Variants in PHACTR3 observed in about 807,000 individuals in gnomAD.
PHACTR3 encodes phosphatase and actin regulator 3.
A neutral mutation model predicts 66.8 loss-of-function variants in PHACTR3; 16 were observed. The observed-to-expected ratio is 0.24, with a 90% CI of 0.16 to 0.36. The LOEUF (loss-of-function observed/expected upper bound fraction) is 0.36, where lower values mean the gene tolerates loss of function less well. Among genes scored for constraint, PHACTR3 ranks in the 10% least tolerant of loss-of-function variants. PHACTR3 has a pLI of 1.00. For missense variants in PHACTR3, 647 were observed against 719.9 expected (o/e 0.90, Z 1.16); for synonymous variants, 323 against 292.1 (o/e 1.11, Z -1.08).
In PHACTR3 at chr20:59,673,337, G is replaced by A. The variant is rs144760169; in HGVS notation, c.118+68205G>A. On this transcript the variant is annotated intron_variant, in intron 1 of 12. Transcript: ENST00000371015. ...TAAGTTTTCAATAAGACCTGGTATT[G>A]GAAGCCCCCATCAAAGTGAGGAGCT... is the stretch of plus-strand genomic sequence containing the variant. 2.2e-3 allele frequency among the ~76,000 whole-genome samples: 328 copies of A among 152,298 alleles called. 1 individual carries two copies. Among genetic ancestry groups the A allele is most frequent in the African/African-American group, 7.2e-3 (301 of 41,548 alleles).
intron 1 of PHACTR3, among the ~76,000 whole-genome samples, chr20:59,707,440 TCTCTCTTGCTCCCA>T (rs2037748250): frequency 6.7e-6 from 1 of 149,256 alleles, no homozygotes; most frequent in South Asian, 2.1e-4. Flanking sequence ...TTCTTCTTTC[TCTCTCTTGCTCCCA>T]CTCTTTTTTT....
chr20:59,616,664 A>AC (rs2034036478), intron 1 of PHACTR3, among the ~76,000 whole-genome samples: 1 of 152,184 alleles, frequency 6.6e-6, no homozygotes, highest in African/African-American at 2.4e-5. Flanking sequence ...CGCTGAGCTG[A>AC]CCACCAGCCC....
intron 1 of PHACTR3, among the ~76,000 whole-genome samples, chr20:59,713,447 G>A (rs895631273): frequency 6.6e-6 from 1 of 152,146 alleles, no homozygotes; most frequent in Non-Finnish European, 1.5e-5. Flanking sequence ...GAGAACCACT[G>A]TCTTAATTTA....
chr20:59,671,777 A>T (rs2036203296), intron 1 of PHACTR3, among the ~76,000 whole-genome samples: 1 of 152,216 alleles, frequency 6.6e-6, no homozygotes, highest in Admixed American at 6.5e-5. Flanking sequence ...GGCTCTTGCC[A>T]GGCTGCGTGG....
chr20:59,825,741 AG>A (rs2042171689), intron 8 of PHACTR3, among the ~76,000 whole-genome samples: 1 of 152,150 alleles, frequency 6.6e-6, no homozygotes, highest in Non-Finnish European at 1.5e-5. Context: ...AGCAGAGGGA[AG>A]GGCCCAGGCA....
chr20:59,824,873 C>G (rs904767190), intron 8 of PHACTR3, among the ~76,000 whole-genome samples: 1 of 152,186 alleles, frequency 6.6e-6, no homozygotes, highest in Admixed American at 6.5e-5. Flanking sequence ...GGCACAGTGA[C>G]GTGCTGTTTG....
At chr20:59,724,870 C>T (rs2038502061) in intron 1 of PHACTR3, among the ~76,000 whole-genome samples, 1 of 152,216 alleles carries the variant, frequency 6.6e-6, no homozygotes, top group Non-Finnish European at 1.5e-5. Context: ...GGTATGTGCT[C>T]AGGTGTGCTG....
At chr20:59,832,572 C>T (rs1307290162) in intron 8 of PHACTR3, among the ~76,000 whole-genome samples, 2 of 152,174 alleles carry the variant, frequency 1.3e-5, no homozygotes, top group African/African-American at 4.8e-5. Flanking sequence ...CTGGAAGAGT[C>T]CGGAGAGTGT....
At chr20:59,600,854 C>T (rs1291645307), upstream of PHACTR3, among the ~76,000 whole-genome samples, 1 of 151,684 alleles carries the variant, frequency 6.6e-6, no homozygotes, top group Non-Finnish European at 1.5e-5. Flanking sequence ...TGGGTGGAGA[C>T]AGGGAGGGTT....
intron 1 of PHACTR3, among the ~76,000 whole-genome samples, chr20:59,708,751 G>A (rs1291230073): frequency 6.6e-6 from 1 of 152,166 alleles, no homozygotes. Context: ...TTTATTCAGA[G>A]ACTTATGACA....
chr20:59,621,840 C>T (rs1350341077), intron 1 of PHACTR3, among the ~76,000 whole-genome samples: 3 of 152,224 alleles, frequency 2.0e-5, no homozygotes, highest in African/African-American at 7.2e-5. Flanking sequence ...TCACATGGCA[C>T]TTAATTTGTC....
intron 10 of PHACTR3, 75 bp downstream of exon 10, chr20:59,840,505 G>T (rs1568875709): frequency 6.3e-7 from 1 of 1,581,858 alleles, no homozygotes. Flanking sequence ...AGGTGGGATG[G>T]GTAATGCTAG....
At chr20:59,833,150 A>G (rs2042434176) in intron 8 of PHACTR3, among the ~76,000 whole-genome samples, 1 of 152,184 alleles carries the variant, frequency 6.6e-6, no homozygotes, top group Admixed American at 6.5e-5. Flanking sequence ...CTCTGTTTAC[A>G]ACCCTGTGCC....
chr20:59,697,823 A>C (rs967930347), intron 1 of PHACTR3, among the ~76,000 whole-genome samples: 1 of 152,234 alleles, frequency 6.6e-6, no homozygotes, highest in Non-Finnish European at 1.5e-5. Flanking sequence ...CTTATGCTGC[A>C]TCCTGTGTTT....
At position 59,723,501 on chromosome 20, in the gene PHACTR3, C is replaced by T. The variant is rs375236823; in HGVS notation, c.119-19606C>T. 1.9e-4 allele frequency among the ~76,000 whole-genome samples: 29 copies of T among 152,232 alleles called. No homozygotes were observed. In the South Asian group the frequency reaches 5.4e-3, roughly 28 times the overall value. On this transcript the variant is annotated intron_variant, in intron 1 of 12. Transcript: ENST00000371015. ...ACCATACTCTCTTTATCCATTCATC[C>T]GTTGATGGGCATTTGGGTTTCTTTC...
At chr20:59,656,570 G>A (rs1379475289) in intron 1 of PHACTR3, among the ~76,000 whole-genome samples, 1 of 151,834 alleles carries the variant, frequency 6.6e-6, no homozygotes, top group Admixed American at 6.6e-5. Flanking sequence ...GCATATAGTA[G>A]TATCAGATTT....
chr20:59,718,362 G>A (rs573633100), intron 1 of PHACTR3, among the ~76,000 whole-genome samples: 8 of 152,186 alleles, frequency 5.3e-5, no homozygotes, highest in Admixed American at 1.3e-4. Flanking sequence ...CTGTTGGGGA[G>A]GAAGAAAATG....
intron 1 of PHACTR3, among the ~76,000 whole-genome samples, chr20:59,621,233 C>G (rs2034224879): frequency 6.6e-6 from 1 of 152,234 alleles, no homozygotes; most frequent in Non-Finnish European, 1.5e-5. Flanking sequence ...CTTGCAGACC[C>G]CTGTGCAGGT....
At chr20:59,676,450 C>T (rs2036450225) in intron 1 of PHACTR3, among the ~76,000 whole-genome samples, 1 of 152,136 alleles carries the variant, frequency 6.6e-6, no homozygotes, top group African/African-American at 2.4e-5. Flanking sequence ...GGGTTGCCCT[C>T]CTCACCCCCA....
Sources: gnomAD v4.1 joint callset for allele counts (sites outside exome capture counted in the v4.1 genomes callset) on GRCh38, gnomAD v4.1.1 for gene constraint, MANE v1.5 for transcripts, NCBI Gene and HGNC (gene_info 2026-07-23, HGNC 2026-07-21) for gene names.